Variants in TRANK1 observed in about 807,000 individuals in gnomAD.
The protein encoded by TRANK1 is TPR and ankyrin repeat-containing protein 1.
A neutral mutation model predicts 266.0 loss-of-function variants in TRANK1; 198 were observed. That is an observed-to-expected ratio of 0.74 (90% CI 0.66 to 0.84). The LOEUF is 0.84. Among genes scored for constraint, TRANK1 ranks in the 40% least tolerant of loss-of-function variants. The pLI, the probability that TRANK1 is intolerant of heterozygous loss-of-function variation, is 0.00. For synonymous variants in TRANK1, 1,396 were observed against 1,384.1 expected (o/e 1.01, Z -0.19); for missense variants, 3,326 against 3,634.6 (o/e 0.92, Z 2.18).
chr3:36,851,804 C>T lies in TRANK1; in HGVS notation c.4802G>A (p.Gly1601Glu), dbSNP rs1400438591. ...ATAAATTGTTAGCACAAGTGCTAAC[C>T]CCAGCTCTTCTGGAATTTTCTCCTT... ...TAKEKIPEEL[G>E]LALVLTIYEA... Residue 1601 changes from glycine (G) to glutamate (E), a missense_variant, in exon 15 of 24, where the codon GGG becomes GAG. Gly to Glu is a moderately conservative substitution (Grantham distance 98). Coordinates refer to ENST00000645898, the MANE Select transcript of TRANK1 (RefSeq NM_001329998.2). The T allele has an allele frequency of 1.2e-6, 2 of 1,610,156 alleles. No homozygotes were observed. Among genetic ancestry groups the T allele is most frequent in the South Asian group, 2.2e-5 (2 of 90,248 alleles).
Position 36,855,755 on chromosome 3 carries a change from A to T in TRANK1, c.3967T>A (p.Phe1323Ile). ...CATATTTCATTTTTGAACACCTCAA[A>T]CGTCACGTACACCCGGGGGTCACTG... ...GDSDPRVYVT[F>I]EVFKNEIWPK... The change falls in exon 13 of 24, where the codon TTT (phenylalanine) becomes ATT (isoleucine). Residue 1323 changes from phenylalanine to isoleucine, a missense_variant. Physicochemically the swap from Phe to Ile is conservative, Grantham distance 21. Transcript: ENST00000645898. The T allele has an allele frequency of 1.2e-6, 2 of 1,613,292 alleles. No individual in the cohort carries two copies. Among genetic ancestry groups the T allele is most frequent in the Non-Finnish European group, 1.7e-6 (2 of 1,179,736 alleles).
At chr3:36,910,789 C>T (rs185956297) in intron 1 of TRANK1, among the ~76,000 whole-genome samples, 6 of 150,810 alleles carry the variant, frequency 4.0e-5, no homozygotes, top group African/African-American at 9.7e-5. Context: ...AGACCCAGTG[C>T]GCTGGCTCAT....
Sources: allele counts gnomAD v4.1 joint callset (sites outside exome capture counted in the v4.1 genomes callset), GRCh38; gene constraint gnomAD v4.1.1; transcripts MANE v1.5; gene names NCBI Gene and HGNC (gene_info 2026-07-23, HGNC 2026-07-21).